SLITRK6: variants seen among roughly 807,000 people sequenced by gnomAD.
The protein encoded by SLITRK6 is SLIT and NTRK like family member 6.
In SLITRK6, 35 loss-of-function variants were observed where a neutral mutation model predicts 55.6. That is an observed-to-expected ratio of 0.63 (90% CI 0.48 to 0.83). SLITRK6 has a LOEUF of 0.83. Ranked by LOEUF, SLITRK6 falls within the 40% of genes least tolerant of loss-of-function variation. The pLI, the probability that SLITRK6 is intolerant of heterozygous loss-of-function variation, is 0.00. For synonymous variants in SLITRK6, 392 were observed against 359.6 expected (o/e 1.09, Z -1.02); for missense variants, 977 against 986.4 (o/e 0.99, Z 0.13).
intron 1 of SLITRK6, among the ~76,000 whole-genome samples, chr13:85,798,576 C>T (rs950035433): frequency 5.3e-5 from 8 of 151,960 alleles, no homozygotes; most frequent in Middle Eastern, 3.2e-3. Flanking sequence ...AAGAATTATT[C>T]AATATTCTGC....
chr13:85,793,029 A>G lies in SLITRK6; in HGVS notation c.*954T>C, dbSNP rs1163904339. On this transcript the variant is annotated 3_prime_UTR_variant, in exon 2 of 2. Coordinates refer to ENST00000647374, the MANE Select transcript of SLITRK6 (RefSeq NM_032229.3). ...TTATGGCATCTATCAATGTACATCA[A>G]TAAAAATAAAATAATTTTTCCTATT... The G allele has an allele frequency of 6.6e-6, 1 of 152,242 alleles. No homozygotes were observed. Among genetic ancestry groups the G allele is most frequent in the African/African-American group, 2.4e-5 (1 of 41,394 alleles). 9.4% of individuals were successfully genotyped at this position (152,242 alleles called of 1,614,324 possible).
rs755925837 is a variant in SLITRK6, at chr13:85,795,017, G to T, written c.1492C>A (p.Pro498Thr). The T allele has an allele frequency of 2.5e-6, 4 of 1,612,962 alleles. No homozygotes were observed. Among genetic ancestry groups the T allele is most frequent in the Non-Finnish European group, 3.4e-6 (4 of 1,179,384 alleles). ...AGATCATCCAAAATATTACTTACAG[G>T]TAGATGGGTAAACTGGTTTGTTTTA... ...NLKTNQFTHL[P>T]VSNILDDLDL... The change falls in exon 2 of 2, where the codon CCT becomes ACT. Residue 498 changes from proline to threonine, a missense_variant. Coordinates refer to ENST00000647374, the MANE Select transcript of SLITRK6 (RefSeq NM_032229.3).
chr13:85,794,466 G>C lies in SLITRK6; in HGVS notation c.2043C>G (p.His681Gln). The C allele has an allele frequency of 6.2e-7, 1 of 1,613,348 alleles. No individual in the cohort carries two copies. The highest frequency in any genetic ancestry group is 2.2e-5 in the East Asian group (1 of 44,854). ...ERPSASLYEQHMVSPMVHVYR... is the reference protein window; with the variant it reads ...ERPSASLYEQQMVSPMVHVYR... Reference sequence around the variant, plus strand: ...AGACATGAACCATGGGGCTCACCATGTGCTGTTCATAGAGTGAGGCAGAGG... The same window carrying C: ...AGACATGAACCATGGGGCTCACCATCTGCTGTTCATAGAGTGAGGCAGAGG... Residue 681 changes from histidine (H) to glutamine (Q), a missense_variant, in exon 2 of 2, where the codon CAC becomes CAG. His to Gln is a conservative substitution (Grantham distance 24, BLOSUM62 0). Coordinates refer to ENST00000647374, the MANE Select transcript of SLITRK6 (RefSeq NM_032229.3).
At position 85,795,102 on chromosome 13, in the gene SLITRK6, G is replaced by A. The variant is rs372239591; in HGVS notation, c.1407C>T (p.Asn469=). ...TATGTGGTGGTAAAACTTGGAGGAG[G>A]TTGTTATTTAAATACAGGACTTTAA... is the stretch of plus-strand genomic sequence containing the variant. ...PKLKVLYLNN[N]LLQVLPPHIF... Residue 469 remains asparagine, a synonymous_variant, in exon 2 of 2, where the codon AAC becomes AAT. Transcript: ENST00000647374. 1.2e-6 allele frequency: 2 copies of A among 1,612,820 alleles called. No homozygotes were observed. The highest frequency in any genetic ancestry group is 2.7e-5 in the African/African-American group (2 of 74,802).
At position 85,795,428 on chromosome 13, in the gene SLITRK6, G is replaced by A; in HGVS notation, c.1081C>T (p.Pro361Ser). ...ATGAGCTTTCTAGGATTTTGCGGAG[G>A]AGGTCTCAGATCTGATAAGCTTTCA... is the stretch of plus-strand genomic sequence containing the variant. Reference protein sequence around the residue: ...NIESLSDLRPPPQNPRKLILA... With the variant: ...NIESLSDLRPSPQNPRKLILA... The change falls in exon 2 of 2, where the codon CCT becomes TCT. Residue 361 changes from proline to serine, a missense_variant. By Grantham distance (74) the Pro-to-Ser change is moderately conservative. Transcript: ENST00000647374. 6.2e-7 allele frequency: 1 copy of A among 1,612,994 alleles called. No individual in the cohort carries two copies. The highest frequency in any genetic ancestry group is 8.5e-7 in the Non-Finnish European group (1 of 1,179,422).
intron 1 of SLITRK6, 75 bp downstream of exon 1, chr13:85,798,839 G>A (rs562928936): frequency 5.5e-4 from 84 of 151,944 alleles, no homozygotes; most frequent in Middle Eastern, 3.4e-3. Flanking sequence ...TTTAAAGGAA[G>A]CGAACATACA....
chr13:85,794,781 T>G lies in SLITRK6; in HGVS notation c.1728A>C (p.Pro576=). Residue 576 remains proline, a synonymous_variant, in exon 2 of 2, where the codon CCA becomes CCC. Transcript: ENST00000647374. Reference sequence around the variant, plus strand: ...TGACCATAAGGTAACTAGTCTGTGTTGGCATGGATGGGTTATTTACTAAAC... The same window carrying G: ...TGACCATAAGGTAACTAGTCTGTGTGGGCATGGATGGGTTATTTACTAAAC... The part of the protein sequence containing the change: ...CPGLVNNPSM[P]TQTSYLMVTT... The G allele has an allele frequency of 6.2e-7, 1 of 1,613,264 alleles. No homozygotes were observed. The highest frequency in any genetic ancestry group is 8.5e-7 in the Non-Finnish European group (1 of 1,179,546).
Position 85,793,998 on chromosome 13 carries a change from C to A in SLITRK6, c.2511G>T (p.Leu837=), listed in dbSNP as rs753075122. The A allele has an allele frequency of 1.2e-6, 2 of 1,601,098 alleles. No individual in the cohort carries two copies. The highest frequency in any genetic ancestry group is 1.7e-6 in the Non-Finnish European group (2 of 1,173,966). The change falls in exon 2 of 2, where the codon CTG becomes CTT. Residue 837 remains leucine (L), a synonymous_variant. Coordinates refer to ENST00000647374, the MANE Select transcript of SLITRK6 (RefSeq NM_032229.3). ...AACTCTCCATCTATGTTTGCTGCTC[C>A]AGGACTTCTAAATAGTCAGGTTCAG... is the stretch of plus-strand genomic sequence containing the variant. ...LHAEPDYLEV[L]EQQT is the part of the protein sequence containing the mutation.
chr13:85,794,770 C>T lies in SLITRK6; in HGVS notation c.1739G>A (p.Ser580Asn). 2 of 1,613,182 alleles carry T rather than the reference C, an allele frequency of 1.2e-6. No individual in the cohort carries two copies. The highest frequency in any genetic ancestry group is 1.7e-6 in the Non-Finnish European group (2 of 1,179,536). ...TGCAGGAGTGGTGACCATAAGGTAA[C>T]TAGTCTGTGTTGGCATGGATGGGTT... is the stretch of plus-strand genomic sequence containing the variant. ...VNNPSMPTQT[S>N]YLMVTTPATT... The change falls in exon 2 of 2, where the codon AGT becomes AAT. Residue 580 changes from serine (S) to asparagine (N), a missense_variant. Transcript: ENST00000647374.
rs1874601212 is a variant in SLITRK6, at chr13:85,793,362, T to G, written c.*621A>C. The G allele has an allele frequency of 6.6e-6, 1 of 152,348 alleles. No homozygotes were observed. Among genetic ancestry groups the G allele is most frequent in the Non-Finnish European group, 1.5e-5 (1 of 67,906 alleles). 9.4% of individuals were successfully genotyped at this position (152,348 alleles called of 1,614,324 possible). A position where few individuals can be genotyped will look rare whatever the true frequency, so the allele number is the denominator to read the frequency against. ...ATCATTTTAACTTTTTAATTTAGAA[T>G]GCATGAGAGTGGCATTTGTTTAAGC... is the stretch of plus-strand genomic sequence containing the variant. On this transcript the variant is annotated 3_prime_UTR_variant, in exon 2 of 2. Coordinates refer to ENST00000647374, the MANE Select transcript of SLITRK6 (RefSeq NM_032229.3).
In SLITRK6 at chr13:85,796,687, C is replaced by CTTTTT. The variant is rs745384946; in HGVS notation, c.-24-160_-24-156dup. ...CTTGCTGCATTTACATCATTTGTTT[C>CTTTTT]TTTTTTTTTTTTCCTAATACTCAGA... On this transcript the variant is annotated intron_variant, in intron 1 of 1. Coordinates refer to ENST00000647374, the MANE Select transcript of SLITRK6 (RefSeq NM_032229.3). 3.6e-4 allele frequency among the ~76,000 whole-genome samples: 52 copies of CTTTTT among 145,682 alleles called. 1 individual carries two copies. Among genetic ancestry groups the CTTTTT allele is most frequent in the Non-Finnish European group, 4.8e-4 (32 of 66,198 alleles).
rs1555312857 is a variant in SLITRK6 at position 85,798,989 on chromosome 13, T to TTA, written c.-102_-101dup. Reference sequence around the variant, plus strand: ...AGGTGTTCAAAGTAATTCAATTCCTTTATTAAAAAAAAGAAAACACCAACC... The same window carrying TTA: ...AGGTGTTCAAAGTAATTCAATTCCTTTATATTAAAAAAAAGAAAACACCAACC... On this transcript the variant is annotated 5_prime_UTR_variant, in exon 1 of 2. Coordinates refer to ENST00000647374, the MANE Select transcript of SLITRK6 (RefSeq NM_032229.3). 2.0e-5 allele frequency: 3 copies of TTA among 151,722 alleles called. No individual in the cohort carries two copies. Among genetic ancestry groups the TTA allele is most frequent in the Non-Finnish European group, 1.5e-5 (1 of 67,902 alleles). 9.4% of individuals were successfully genotyped at this position (151,722 alleles called of 1,614,324 possible).
Position 85,795,178 on chromosome 13 carries a change from T to C in SLITRK6, c.1331A>G (p.Tyr444Cys). Residue 444 changes from tyrosine (Y) to cysteine (C), a missense_variant, in exon 2 of 2, where the codon TAC becomes TGC. Transcript: ENST00000647374. ...LHNLEYLYLE[Y>C]NAIKEILPGT... ...TGGCAGTATTTCCTTAATGGCATTG[T>C]ATTCAAGATATAAGTATTCAAGATT... 2.5e-6 allele frequency: 4 copies of C among 1,612,780 alleles called. No individual in the cohort carries two copies. The highest frequency in any genetic ancestry group is 3.4e-6 in the Non-Finnish European group (4 of 1,179,376).
intron 1 of SLITRK6, among the ~76,000 whole-genome samples, chr13:85,796,884 A>C (rs1352292658): frequency 6.6e-6 from 1 of 151,792 alleles, no homozygotes; most frequent in Non-Finnish European, 1.5e-5. Flanking sequence ...ACTGTGATGC[A>C]AAGTTATATA....
chr13:85,794,862 G>T lies in SLITRK6; in HGVS notation c.1647C>A (p.Pro549=). 1 of 1,613,018 alleles carries T rather than the reference G, an allele frequency of 6.2e-7. No homozygotes were observed. Among genetic ancestry groups the T allele is most frequent in the Non-Finnish European group, 8.5e-7 (1 of 1,179,472 alleles). Reference sequence around the variant, plus strand: ...TCAATTCCTTTTTGTCGAGATGCCCGGGGGAAGTGCAGAGGATGTCATCTG... The same window carrying T: ...TCAATTCCTTTTTGTCGAGATGCCCTGGGGAAGTGCAGAGGATGTCATCTG... ...TVTDDILCTS[P]GHLDKKELKA... Residue 549 remains proline (P), a synonymous_variant, in exon 2 of 2, where the codon CCC becomes CCA. Coordinates refer to ENST00000647374, the MANE Select transcript of SLITRK6 (RefSeq NM_032229.3).
At position 85,794,047 on chromosome 13, in the gene SLITRK6, A is replaced by G; in HGVS notation, c.2462T>C (p.Phe821Ser). The G allele has an allele frequency of 6.2e-7, 1 of 1,612,196 alleles. No homozygotes were observed. Among genetic ancestry groups the G allele is most frequent in the Non-Finnish European group, 8.5e-7 (1 of 1,179,102 alleles). Residue 821 changes from phenylalanine (F) to serine (S), a missense_variant, in exon 2 of 2, where the codon TTT (phenylalanine) becomes TCT (serine). Coordinates refer to ENST00000647374, the MANE Select transcript of SLITRK6 (RefSeq NM_032229.3). ...AGCATGTAAATTAGCTTTAAGTTCA[A>G]AATACTCATTTTTTGTCTGTTCCAC... The part of the protein sequence containing the change: ...VLVEQTKNEY[F>S]ELKANLHAEP...
rs779843888 is a variant in SLITRK6, at chr13:85,796,138, A to G, written c.371T>C (p.Leu124Ser). 2 of 1,612,446 alleles carry G rather than the reference A, an allele frequency of 1.2e-6. No individual in the cohort carries two copies. Among genetic ancestry groups the G allele is most frequent in the Non-Finnish European group, 1.7e-6 (2 of 1,179,326 alleles). Residue 124 changes from leucine to serine, a missense_variant, in exon 2 of 2, where the codon TTA becomes TCA. Transcript: ENST00000647374. ...GAAAGTATCCTCTTTAAGAATTTCT[A>G]AAGAATTGTGATTGATATGAAGTTG... ...LKQLHINHNS[L>S]EILKEDTFHG...
chr13:85,799,218 A>G lies in SLITRK6; in HGVS notation c.-329T>C, dbSNP rs1344665799. The G allele has an allele frequency of 3.9e-5, 6 of 152,114 alleles. No individual in the cohort carries two copies. The East Asian group carries it at 7.8e-4, about 20-fold the overall frequency. 9.4% of individuals were successfully genotyped at this position (152,114 alleles called of 1,614,324 possible). ...TTCACAGCTATGCTGACTTTTTTGC[A>G]TATAGTTAACCATTTGCAAGCTGCT... is the stretch of plus-strand genomic sequence containing the variant. On this transcript the variant is annotated 5_prime_UTR_variant, in exon 1 of 2. An upstream start codon of the reference 5' UTR is lost. Transcript: ENST00000647374.
chr13:85,796,212 A>G lies in SLITRK6; in HGVS notation c.297T>C (p.Asn99=), dbSNP rs764607904. 3.7e-6 allele frequency: 6 copies of G among 1,613,014 alleles called. No homozygotes were observed. The East Asian group carries it at 6.7e-5, about 18-fold the overall frequency. The change falls in exon 2 of 2, where the codon AAT becomes AAC. Residue 99 remains asparagine, a synonymous_variant. Coordinates refer to ENST00000647374, the MANE Select transcript of SLITRK6 (RefSeq NM_032229.3). ...NAISIHLGFN[N]IADIEIGAFN... ...ATGCACCTATCTCAATATCTGCAAT[A>G]TTGTTAAATCCAAGGTGTATTGAAA...
Sources: allele counts gnomAD v4.1 joint callset (sites outside exome capture counted in the v4.1 genomes callset), GRCh38; gene constraint gnomAD v4.1.1; transcripts MANE v1.5; gene names NCBI Gene and HGNC (gene_info 2026-07-23, HGNC 2026-07-21).